Variants in FGGY observed in about 807,000 individuals in gnomAD.
The protein encoded by FGGY is FGGY carbohydrate kinase domain containing, also known as FGGY carbohydrate kinase domain-containing protein.
A neutral mutation model predicts 71.3 loss-of-function variants in FGGY; 72 were observed. The observed-to-expected ratio is 1.01, with a 90% CI of 0.84 to 1.23. The LOEUF (loss-of-function observed/expected upper bound fraction) is 1.23. Ranked by LOEUF, FGGY falls within the 50% of genes most tolerant of loss-of-function variation. The pLI, the probability that FGGY is intolerant of heterozygous loss-of-function variation, is 0.00. For missense variants in FGGY, 668 were observed against 682.3 expected (o/e 0.98, Z 0.23); for synonymous variants, 251 against 250.3 (o/e 1.00, Z -0.02).
At chr1:59,695,359 C>G (rs1275258502) in intron 14 of FGGY, among the ~76,000 whole-genome samples, 1 of 152,196 alleles carries the variant, frequency 6.6e-6, no homozygotes, top group East Asian at 1.9e-4. Context: ...GGGAAAATAA[C>G]TTCTAAGTGG....
intron 5 of FGGY, among the ~76,000 whole-genome samples, chr1:59,391,658 A>C (rs835430): frequency 0.031 from 4,715 of 152,184 alleles, 244 homozygotes; most frequent in African/African-American, 0.11. Flanking sequence ...ACTAGTCTGA[A>C]TCTGTTCCAT....
chr1:59,324,991 ATC>A (rs2047120189), intron 2 of FGGY, among the ~76,000 whole-genome samples: 1 of 152,108 alleles, frequency 6.6e-6, no homozygotes, highest in South Asian at 2.1e-4. Context: ...TGAATGATAT[ATC>A]TCTGTTGTTT....
At chr1:59,613,841 A>AAC (rs2096718851) in intron 9 of FGGY, among the ~76,000 whole-genome samples, 1 of 152,242 alleles carries the variant, frequency 6.6e-6, no homozygotes, top group Non-Finnish European at 1.5e-5. Flanking sequence ...ATAGAAATAC[A>AAC]AACTACCATC....
At chr1:59,531,704 G>T (rs1185844916) in intron 7 of FGGY, among the ~76,000 whole-genome samples, 1 of 152,206 alleles carries the variant, frequency 6.6e-6, no homozygotes, top group African/African-American at 2.4e-5. Context: ...CAGTCTGCAG[G>T]CTGGAAGTAT....
At chr1:59,566,491 C>G (rs1167526765) in intron 8 of FGGY, among the ~76,000 whole-genome samples, 1 of 151,974 alleles carries the variant, frequency 6.6e-6, no homozygotes, top group Non-Finnish European at 1.5e-5. Flanking sequence ...GTTAGAGCCC[C>G]AGGAGAAATA....
chr1:59,616,207 T>C (rs1408718168), intron 9 of FGGY, among the ~76,000 whole-genome samples: 34 of 152,216 alleles, frequency 2.2e-4, no homozygotes, highest in Non-Finnish European at 2.5e-4. Flanking sequence ...GTGGCACTAT[T>C]CACAATAGCA....
chr1:59,451,654 G>A (rs1364966173), intron 5 of FGGY, among the ~76,000 whole-genome samples: 1 of 151,978 alleles, frequency 6.6e-6, no homozygotes, highest in Non-Finnish European at 1.5e-5. Context: ...TGAATCAATT[G>A]TTATTTGGTT....
intron 5 of FGGY, among the ~76,000 whole-genome samples, chr1:59,421,078 ACT>A (rs1160817144): frequency 6.6e-6 from 1 of 152,162 alleles, no homozygotes; most frequent in African/African-American, 2.4e-5. Flanking sequence ...TGAAGAATAC[ACT>A]CTAGCCTAAA....
rs1464278173 is a variant in FGGY at position 59,374,587 on chromosome 1, A to C, written c.466-4162A>C. Among the ~76,000 whole-genome samples, 8 of 152,260 alleles carry C rather than the reference A, an allele frequency of 5.3e-5. No individual in the cohort carries two copies. In the East Asian group the frequency reaches 7.7e-4, roughly 15 times the overall value. On this transcript the variant is annotated intron_variant, in intron 4 of 15. Coordinates refer to ENST00000303721, the MANE Select transcript of FGGY (RefSeq NM_018291.5). Reference sequence around the variant, plus strand: ...CCAAAGGACTATAAATCATGCTGCTATAAAGACACATGCACACGTATGTTT... The same window carrying C: ...CCAAAGGACTATAAATCATGCTGCTCTAAAGACACATGCACACGTATGTTT...
At chr1:59,527,439 T>A (rs1461958524) in intron 7 of FGGY, among the ~76,000 whole-genome samples, 42 of 152,188 alleles carry the variant, frequency 2.8e-4, no homozygotes, top group Non-Finnish European at 1.3e-4. Flanking sequence ...GGGTGGGCAG[T>A]GCTGATTTCA....
In FGGY at chr1:59,456,979, G is replaced by A. The variant is rs1165111127; in HGVS notation, c.573G>A (p.Val191=). The A allele has an allele frequency of 1.9e-6, 3 of 1,613,548 alleles. No individual in the cohort carries two copies. Among genetic ancestry groups the A allele is most frequent in the Admixed American group, 1.7e-5 (1 of 60,002 alleles). The change falls in exon 6 of 16, where the codon GTG becomes GTA. Residue 191 remains valine (V), a synonymous_variant. Coordinates refer to ENST00000303721, the MANE Select transcript of FGGY (RefSeq NM_018291.5). ...GVTARSLCSL[V]CKWTYSAEKG... ...TTCTTAGGTCTCTCTGCTCCCTGGT[G>A]TGTAAGTGGACATATTCAGCAGAGA...
chr1:59,532,567 T>C (rs1194819006), intron 7 of FGGY, among the ~76,000 whole-genome samples: 1 of 152,158 alleles, frequency 6.6e-6, no homozygotes, highest in African/African-American at 2.4e-5. Context: ...AAGAGAAAAA[T>C]TAACAGTTGT....
In FGGY at chr1:59,595,321, T is replaced by A. The variant is rs201013371; in HGVS notation, c.904-12482T>A. On this transcript the variant is annotated intron_variant, in intron 8 of 15. Transcript: ENST00000303721. ...TGCATTCATTTGTAATGCCTTTTTT[T>A]AAAAAAAAATGACAGTAAGAGCAAT... Among the ~76,000 whole-genome samples the A allele has an allele frequency of 1.2e-3, 160 of 133,804 alleles. 1 individual carries two copies. The South Asian group carries it at 0.021, about 18-fold the overall frequency. The allele number at this position is 133,804 out of a possible 152,430, so 87.8% of individuals were successfully genotyped here. A position where few individuals can be genotyped will look rare whatever the true frequency, so the allele number is the denominator to read the frequency against.
chr1:59,493,990 G>T (rs2093957753), intron 6 of FGGY, among the ~76,000 whole-genome samples: 1 of 152,104 alleles, frequency 6.6e-6, no homozygotes, highest in South Asian at 2.1e-4. Context: ...ACTTGCCCTG[G>T]TCACAGATCT....
At chr1:59,360,551 G>A (rs1022079677) in intron 4 of FGGY, among the ~76,000 whole-genome samples, 3 of 152,170 alleles carry the variant, frequency 2.0e-5, no homozygotes, top group Non-Finnish European at 4.4e-5. Context: ...GGGCAATTCA[G>A]TTCACTTATG....
intron 14 of FGGY, among the ~76,000 whole-genome samples, chr1:59,748,375 C>G (rs560623657): frequency 1.3e-5 from 2 of 152,078 alleles, no homozygotes; most frequent in Non-Finnish European, 2.9e-5. Flanking sequence ...CTAAGAGTGG[C>G]CAAGGGCAGT....
At chr1:59,635,065 A>AG (rs1287705320) in intron 10 of FGGY, among the ~76,000 whole-genome samples, 2 of 152,232 alleles carry the variant, frequency 1.3e-5, no homozygotes, top group Non-Finnish European at 2.9e-5. Context: ...AGCTAGAAGA[A>AG]GGCAGGCTGC....
intron 5 of FGGY, among the ~76,000 whole-genome samples, chr1:59,392,269 G>A (rs1451758615): frequency 6.6e-6 from 1 of 152,166 alleles, no homozygotes; most frequent in African/African-American, 2.4e-5. Flanking sequence ...CTTGGTAGAG[G>A]TTCAAATCAG....
At chr1:59,536,563 T>G (rs553112997) in intron 7 of FGGY, among the ~76,000 whole-genome samples, 2 of 152,280 alleles carry the variant, frequency 1.3e-5, no homozygotes, top group East Asian at 3.9e-4. Context: ...TGATGAACAC[T>G]GATGCAAAAA....
Sources: gnomAD v4.1 joint callset for allele counts (sites outside exome capture counted in the v4.1 genomes callset) on GRCh38, gnomAD v4.1.1 for gene constraint, MANE v1.5 for transcripts, NCBI Gene and HGNC (gene_info 2026-07-23, HGNC 2026-07-21) for gene names.